The following PTPRN2 variants were observed in gnomAD, a reference collection of about 807,000 sequenced individuals.
The protein encoded by PTPRN2 is protein tyrosine phosphatase receptor type N2, also known as receptor-type tyrosine-protein phosphatase N2.
Under a neutral mutation model 118.8 loss-of-function variants are expected in PTPRN2, and 74 were observed. The ratio of observed to expected loss-of-function variants is 0.62; its 90% CI spans 0.52 to 0.76. The LOEUF (loss-of-function observed/expected upper bound fraction) is 0.76. PTPRN2 is among the 30% of genes least tolerant of loss of function. PTPRN2 has a pLI of 0.00. For missense variants in PTPRN2, 1,481 were observed against 1,394.4 expected (o/e 1.06, Z -0.99); for synonymous variants, 641 against 608.0 (o/e 1.05, Z -0.80).
chr7:158,223,723 C>T (rs373895317), intron 3 of PTPRN2, among the ~76,000 whole-genome samples: 1 of 152,006 alleles, frequency 6.6e-6, no homozygotes, highest in East Asian at 1.9e-4. Context: ...GGTGAGTAAC[C>T]ATCAAAAGCT....
chr7:158,389,058 GAGA>G (rs1205065735), intron 2 of PTPRN2, among the ~76,000 whole-genome samples: 2 of 152,354 alleles, frequency 1.3e-5, no homozygotes, highest in African/African-American at 4.8e-5. Context: ...CCCCTGGAAG[GAGA>G]AGGGCTCCAG....
In PTPRN2 at chr7:157,990,363, C is replaced by T. The variant is rs574572883; in HGVS notation, c.1723+90935G>A. Among the ~76,000 whole-genome samples, 41 of 152,240 alleles carry T rather than the reference C, an allele frequency of 2.7e-4. No homozygotes were observed. The highest frequency in any genetic ancestry group is 1.4e-3 in the Admixed American group (22 of 15,290). ...GGACAGGTGCAGCAGAGATTGGGCA[C>T]GGGCCAGGAATGCATCACGGCACCT... On this transcript the variant is annotated intron_variant, in intron 11 of 22. Transcript: ENST00000389418. This position sits in a 1 kb window ranked among gnomAD's most constrained non-coding sequence, Gnocchi z 4.3.
At chr7:158,237,882 C>T (rs1421678398) in intron 3 of PTPRN2, among the ~76,000 whole-genome samples, 1 of 152,202 alleles carries the variant, frequency 6.6e-6, no homozygotes, top group East Asian at 1.9e-4. Flanking sequence ...ACGAAGGACA[C>T]CCTTCCCTCA....
intron 10 of PTPRN2, among the ~76,000 whole-genome samples, chr7:158,085,817 C>T (rs1181434919): frequency 2.2e-5 from 3 of 137,996 alleles, no homozygotes; most frequent in Admixed American, 7.2e-5. Flanking sequence ...CCCATCCACA[C>T]CCACGATGCC....
chr7:157,568,373 G>T (rs899044615), intron 21 of PTPRN2, among the ~76,000 whole-genome samples: 11 of 152,198 alleles, frequency 7.2e-5, no homozygotes, highest in Non-Finnish European at 1.5e-4. Flanking sequence ...TAGATAAGAA[G>T]GACATTCACA....
intron 2 of PTPRN2, among the ~76,000 whole-genome samples, chr7:158,388,957 T>C (rs1330782211): frequency 2.6e-5 from 4 of 152,200 alleles, no homozygotes; most frequent in African/African-American, 9.6e-5. Context: ...GTGATCGATC[T>C]GAAGGAATAG....
At chr7:158,268,889 C>T (rs1173646770) in intron 3 of PTPRN2, among the ~76,000 whole-genome samples, 7 of 142,230 alleles carry the variant, frequency 4.9e-5, no homozygotes, top group African/African-American at 1.6e-4. Flanking sequence ...CCCAGCCGCA[C>T]GCACACAGAG....
At chr7:158,238,350 A>G (rs1795679900) in intron 3 of PTPRN2, among the ~76,000 whole-genome samples, 1 of 151,896 alleles carries the variant, frequency 6.6e-6, no homozygotes. Flanking sequence ...GCCAGTTACT[A>G]TAAAATAAAG....
Position 158,251,602 on chromosome 7 carries a change from G to A in PTPRN2, c.278-46329C>T, listed in dbSNP as rs113569261. Among the ~76,000 whole-genome samples, 362 of 151,352 alleles carry A rather than the reference G, an allele frequency of 2.4e-3. 5 individuals are homozygous for A. Among genetic ancestry groups the A allele is most frequent in the African/African-American group, 8.4e-3 (346 of 41,072 alleles). ...TGTGCAATGGATGTCTATGGTGCAT[G>A]TGGGGCGTGTGCAGGTGTGCAATGG... On this transcript the variant is annotated intron_variant, in intron 3 of 22. Coordinates refer to ENST00000389418, the MANE Select transcript of PTPRN2 (RefSeq NM_002847.5).
chr7:157,918,602 C>G (rs1021629856), intron 11 of PTPRN2, among the ~76,000 whole-genome samples: 1 of 151,978 alleles, frequency 6.6e-6, no homozygotes, highest in African/African-American at 2.4e-5. Flanking sequence ...CTGACGCGGC[C>G]GGGAAAATCT....
chr7:158,569,000 C>T (rs1011056827), intron 1 of PTPRN2, among the ~76,000 whole-genome samples: 1 of 152,084 alleles, frequency 6.6e-6, no homozygotes, highest in Admixed American at 6.5e-5. Context: ...AGGGATTAGG[C>T]CTGTGGTCCC....
intron 19 of PTPRN2, among the ~76,000 whole-genome samples, chr7:157,575,701 T>A (rs1432428062): frequency 6.6e-6 from 1 of 152,234 alleles, no homozygotes; most frequent in Non-Finnish European, 1.5e-5. Flanking sequence ...AACTGTAGAC[T>A]CGAGAATGAG....
At position 157,618,883 on chromosome 7, in the gene PTPRN2, G is replaced by A. The variant is rs1416916879; in HGVS notation, c.2344+2479C>T. ...CTTCACACCCTGGCACATGGGTCGG[G>A]AGAACCCTGGGAGGAGGTGCAGGCA... On this transcript the variant is annotated intron_variant, in intron 15 of 22. Transcript: ENST00000389418. This position sits in a 1 kb window ranked among gnomAD's most constrained non-coding sequence, Gnocchi z 4.2. The A allele has an allele frequency of 6.6e-6, 1 of 152,208 alleles. No homozygotes were observed. Among genetic ancestry groups the A allele is most frequent in the African/African-American group, 2.4e-5 (1 of 41,410 alleles). The allele number at this position is 152,208 out of a possible 1,614,324, so 9.4% of individuals were successfully genotyped here. A position where few individuals can be genotyped will look rare whatever the true frequency, so the allele number is the denominator to read the frequency against.
chr7:157,850,221 C>T (rs1430811694), intron 12 of PTPRN2, among the ~76,000 whole-genome samples: 3 of 152,122 alleles, frequency 2.0e-5, no homozygotes, highest in Non-Finnish European at 4.4e-5. Context: ...TCCAAATTTC[C>T]GAAGTGCGGA....
chr7:158,015,677 G>C lies in PTPRN2; in HGVS notation c.1723+65621C>G, dbSNP rs1231490810. Among the ~76,000 whole-genome samples the C allele has an allele frequency of 6.6e-6, 1 of 152,172 alleles. No homozygotes were observed. Among genetic ancestry groups the C allele is most frequent in the Non-Finnish European group, 1.5e-5 (1 of 68,038 alleles). On this transcript the variant is annotated intron_variant, in intron 11 of 22. Transcript: ENST00000389418. This position sits in a 1 kb window ranked among gnomAD's most constrained non-coding sequence, Gnocchi z 4.2. ...CTGATTTTTGCCAGTAGCAGAGAAC[G>C]TACGAGGTCTTTCTTCCTATTTTCT... is the stretch of plus-strand genomic sequence containing the variant.
At chr7:158,071,583 C>CTCGTGG (rs1563392166) in intron 11 of PTPRN2, among the ~76,000 whole-genome samples, 1 of 10,648 alleles carries the variant, frequency 9.4e-5, no homozygotes, top group Non-Finnish European at 1.7e-4. Context: ...GGAGGTGCTC[C>CTCGTGG]TGGTGGAGGT....
At chr7:158,321,450 T>C (rs1803009914) in intron 2 of PTPRN2, among the ~76,000 whole-genome samples, 1 of 152,152 alleles carries the variant, frequency 6.6e-6, no homozygotes, top group Non-Finnish European at 1.5e-5. Context: ...CCTGTCGACA[T>C]GACCCTATCG....
At chr7:158,172,538 C>G (rs1304242564) in intron 5 of PTPRN2, among the ~76,000 whole-genome samples, 1 of 150,338 alleles carries the variant, frequency 6.7e-6, no homozygotes, top group African/African-American at 2.5e-5. Context: ...CTTCCACCAT[C>G]AACAACAGCA....
chr7:158,255,058 T>A (rs1796938765), intron 3 of PTPRN2, among the ~76,000 whole-genome samples: 1 of 152,160 alleles, frequency 6.6e-6, no homozygotes, highest in African/African-American at 2.4e-5. Flanking sequence ...CAGGACCTGT[T>A]CTTTGTATAG....
Sources: allele counts gnomAD v4.1 joint callset (sites outside exome capture counted in the v4.1 genomes callset), GRCh38; gene constraint gnomAD v4.1.1; non-coding constraint Gnocchi (gnomAD v3.1); transcripts MANE v1.5; gene names NCBI Gene and HGNC (gene_info 2026-07-23, HGNC 2026-07-21).